Variants in LARP6 observed in about 807,000 individuals in gnomAD.
LARP6 encodes la-related protein 6.
A neutral mutation model predicts 32.8 loss-of-function variants in LARP6; 18 were observed. That is an observed-to-expected ratio of 0.55 (90% CI 0.38 to 0.81). The LOEUF (loss-of-function observed/expected upper bound fraction) is 0.81, where lower values mean the gene tolerates loss of function less well. Among genes scored for constraint, LARP6 ranks in the 40% least tolerant of loss-of-function variants. The pLI is 0.00. For synonymous variants in LARP6, 289 were observed against 267.2 expected, an observed-to-expected ratio of 1.08 and a Z score of -0.80; for missense variants, 598 against 663.1, an observed-to-expected ratio of 0.90 and a Z score of 1.08.
intron 2 of LARP6, among the ~76,000 whole-genome samples, chr15:70,835,376 G>C (rs767817536): frequency 2.7e-4 from 41 of 152,312 alleles, no homozygotes; most frequent in Non-Finnish European, 5.0e-4. Flanking sequence ...GTCAAGGACA[G>C]GGGGAGTACG....
Position 70,836,477 on chromosome 15 carries a change from C to A in LARP6, c.229G>T (p.Glu77Ter). The A allele has an allele frequency of 6.2e-7, 1 of 1,614,170 alleles. No individual in the cohort carries two copies. Among genetic ancestry groups the A allele is most frequent in the Non-Finnish European group, 8.5e-7 (1 of 1,180,018 alleles). Residue 77 changes from glutamate to a stop codon, truncating the protein, a stop_gained, in exon 2 of 3, where the codon GAG (glutamate) becomes TAG (stop). Transcript: ENST00000299213. LOFTEE classifies it high-confidence loss of function. ...CACTCCTGCTCCAGGTCCTCACGCT[C>A]GTTCTCACCTCCACTTGCAGTGGTG... ...SGTTASGGEN[E>*]REDLEQEWKP...
At position 70,840,999 on chromosome 15, in the gene LARP6, C is replaced by T. The variant is rs545905682; in HGVS notation, c.201-4494G>A. 5.3e-5 allele frequency among the ~76,000 whole-genome samples: 8 copies of T among 151,704 alleles called. No individual in the cohort carries two copies. The South Asian group carries it at 1.5e-3, about 28-fold the overall frequency. On this transcript the variant is annotated intron_variant, in intron 1 of 2. Transcript: ENST00000299213. ...CACTGTCTCGGCTCACTGCAAGCTC[C>T]GCCTCCTGGGTTCATGCCATTCTCC...
chr15:70,832,184 G>A lies in LARP6; in HGVS notation c.1344C>T (p.Pro448=), dbSNP rs779671311. ...QAEMGTQEKS[P]GTSPLLSRKM... ...TCCGGGAGAGCAGGGGACTCGTACC[G>A]GGGCTTTTCTCCTGGGTCCCCATCT... The change falls in exon 3 of 3, where the codon CCC becomes CCT. Residue 448 remains proline, a synonymous_variant. Coordinates refer to ENST00000299213, the MANE Select transcript of LARP6 (RefSeq NM_018357.4). 2.0e-5 allele frequency: 33 copies of A among 1,613,988 alleles called. No individual in the cohort carries two copies. The Middle Eastern group carries it at 5.0e-4, about 24-fold the overall frequency.
intron 1 of LARP6, among the ~76,000 whole-genome samples, chr15:70,841,974 C>G (rs548887499): frequency 6.4e-4 from 97 of 152,128 alleles, no homozygotes; most frequent in Admixed American, 1.4e-3. Context: ...TACTCTCCCC[C>G]CTGGGCTTAT....
intron 1 of LARP6, among the ~76,000 whole-genome samples, chr15:70,840,264 GC>G (rs2032227716): frequency 6.6e-6 from 1 of 152,174 alleles, no homozygotes; most frequent in Non-Finnish European, 1.5e-5. Context: ...TTGAGGCCGG[GC>G]GCGGTGGCTC....
intron 1 of LARP6, among the ~76,000 whole-genome samples, chr15:70,837,285 A>T (rs1038944755): frequency 2.0e-5 from 3 of 152,072 alleles, no homozygotes; most frequent in African/African-American, 4.8e-5. Context: ...TGGGAGGCTG[A>T]GGTGGGAGGA....
rs534750840 is a variant in LARP6, at chr15:70,842,800, G to C, written c.201-6295C>G. Among the ~76,000 whole-genome samples, 19 of 152,278 alleles carry C rather than the reference G, an allele frequency of 1.2e-4. No individual in the cohort carries two copies. In the South Asian group the frequency reaches 3.9e-3, roughly 32 times the overall value. On this transcript the variant is annotated intron_variant, in intron 1 of 2. Transcript: ENST00000299213. Reference sequence around the variant, plus strand: ...CAGAACAGGTGGATGATACTGTGGAGGTGATATAAACCCCTATACGAGTGC... The same window carrying C: ...CAGAACAGGTGGATGATACTGTGGACGTGATATAAACCCCTATACGAGTGC...
At chr15:70,851,747 C>T in intron 1 of LARP6, 3 of 1,613,896 alleles carry the variant, frequency 1.9e-6, no homozygotes, top group Non-Finnish European at 2.5e-6. Flanking sequence ...ATGATAGAAT[C>T]ACAATTGTGG....
At chr15:70,853,256 A>T (rs905615313) in intron 1 of LARP6, 1 of 133,668 alleles carries the variant, frequency 7.5e-6, no homozygotes, top group South Asian at 2.6e-4. Context: ...TGATGCAAAC[A>T]TAAAGGTCTG....
rs1043174552 is a variant in LARP6, at chr15:70,832,710, T to C, written c.818A>G (p.His273Arg). ...CTGAGATTCTGTGATCATGAACTCA[T>C]GGGCTTTGATGGCTGCTTCCACCTC... Reference protein sequence around the residue: ...FEEVEAAIKAHEFMITESQGK... With the variant: ...FEEVEAAIKAREFMITESQGK... The change falls in exon 3 of 3, where the codon CAT (histidine) becomes CGT (arginine). Residue 273 changes from histidine to arginine, a missense_variant. His to Arg is a conservative substitution (Grantham distance 29, BLOSUM62 0). Coordinates refer to ENST00000299213, the MANE Select transcript of LARP6 (RefSeq NM_018357.4). 1 of 1,601,992 alleles carries C rather than the reference T, an allele frequency of 6.2e-7. No individual in the cohort carries two copies. The highest frequency in any genetic ancestry group is 8.5e-7 in the Non-Finnish European group (1 of 1,175,348).
At chr15:70,840,113 A>G (rs1481301819) in intron 1 of LARP6, among the ~76,000 whole-genome samples, 1 of 152,240 alleles carries the variant, frequency 6.6e-6, no homozygotes, top group Non-Finnish European at 1.5e-5. Context: ...CTACATGGAG[A>G]AAAGAGGTCC....
intron 1 of LARP6, among the ~76,000 whole-genome samples, chr15:70,845,070 C>CAT (rs1386148331): frequency 6.6e-6 from 1 of 152,012 alleles, no homozygotes; most frequent in Non-Finnish European, 1.5e-5. Context: ...AGAGAGTTCC[C>CAT]ATATATATAC....
chr15:70,839,225 T>A (rs1370623984), intron 1 of LARP6, among the ~76,000 whole-genome samples: 2 of 152,026 alleles, frequency 1.3e-5, no homozygotes, highest in African/African-American at 2.4e-5. Context: ...GACGACTTGA[T>A]GTCAGAAGAT....
chr15:70,844,253 G>A (rs535877309), intron 1 of LARP6, among the ~76,000 whole-genome samples: 197 of 152,158 alleles, frequency 1.3e-3, no homozygotes, highest in African/African-American at 4.5e-3. Context: ...CACCATGCCC[G>A]GCCCTATTTG....
intron 1 of LARP6, among the ~76,000 whole-genome samples, chr15:70,849,931 A>T (rs7168087): frequency 0.54 from 81,494 of 151,390 alleles, 22,379 homozygotes; most frequent in Admixed American, 0.67. Flanking sequence ...AGCTTTTTTT[A>T]AAAAAAAATA....
rs2032074540 is a variant in LARP6 at position 70,832,733 on chromosome 15, C to G, written c.795G>C (p.Glu265Asp). The G allele has an allele frequency of 1.3e-6, 2 of 1,595,522 alleles. No individual in the cohort carries two copies. Among genetic ancestry groups the G allele is most frequent in the East Asian group, 4.5e-5 (2 of 44,818 alleles). Residue 265 changes from glutamate to aspartate, a missense_variant, in exon 3 of 3, where the codon GAG (glutamate) becomes GAC (aspartate). Around this residue, in one of 3 missense-constraint regions of LARP6, gnomAD observed 368 missense variants for 397.9 expected, o/e 0.92. Coordinates refer to ENST00000299213, the MANE Select transcript of LARP6 (RefSeq NM_018357.4). ...TQECAIVEFE[E>D]VEAAIKAHEF... ...CATGGGCTTTGATGGCTGCTTCCACCTCCTCGAACTCCACGATGGCGCACT... is the reference window on the plus strand; with the variant it reads ...CATGGGCTTTGATGGCTGCTTCCACGTCCTCGAACTCCACGATGGCGCACT...
chr15:70,830,860 G>A lies in LARP6; in HGVS notation c.*1192C>T, dbSNP rs2032027199. ...TGATAACAAACATTAACCCAAGTGA[G>A]AAGGAAAGAGAGCTAACATTTATGG... On this transcript the variant is annotated 3_prime_UTR_variant, in exon 3 of 3. Transcript: ENST00000299213. 1 of 152,214 alleles carries A rather than the reference G, an allele frequency of 6.6e-6. No homozygotes were observed. The highest frequency in any genetic ancestry group is 2.4e-5 in the African/African-American group (1 of 41,452). 9.4% of individuals were successfully genotyped at this position (152,214 alleles called of 1,614,324 possible). A position where few individuals can be genotyped will look rare whatever the true frequency, so the allele number is the denominator to read the frequency against.
chr15:70,832,659 AG>A lies in LARP6; in HGVS notation c.868del (p.Leu290Ter), dbSNP rs748769522. 1 of 1,609,450 alleles carries A rather than the reference AG, an allele frequency of 6.2e-7. No homozygotes were observed. The highest frequency in any genetic ancestry group is 1.7e-4 in the Middle Eastern group (1 of 6,022). On this transcript the variant is annotated frameshift_variant, in exon 3 of 3. Coordinates refer to ENST00000299213, the MANE Select transcript of LARP6 (RefSeq NM_018357.4). LOFTEE classifies it high-confidence loss of function. ...CTTTTTGGGTGGCTTCATACCAATC[AG>A]GACAGCTTTCATGTTCTCTTTGCCC... Reference protein sequence around the residue: ...SQGKENMKAVLIGMKPPKKKP... With the variant: ...SQGKENMKAVXIGMKPPKKKP...
At position 70,839,387 on chromosome 15, in the gene LARP6, C is replaced by T. The variant is rs138323501; in HGVS notation, c.201-2882G>A. ...CTTGGGAGGTGGAGGTTACAGTGAG[C>T]GGAGATCGCACCACTGCCCTCCAGT... On this transcript the variant is annotated intron_variant, in intron 1 of 2. Transcript: ENST00000299213. Among the ~76,000 whole-genome samples, 27 of 149,116 alleles carry T rather than the reference C, an allele frequency of 1.8e-4. 1 individual carries two copies. The highest frequency in any genetic ancestry group is 5.4e-4 in the African/African-American group (22 of 40,390).
Sources: gnomAD v4.1 joint callset for allele counts (sites outside exome capture counted in the v4.1 genomes callset) on GRCh38, gnomAD v4.1.1 for gene constraint, gnomAD v4.1.1 regional missense constraint, MANE v1.5 for transcripts, NCBI Gene and HGNC (gene_info 2026-07-23, HGNC 2026-07-21) for gene names.